Variants in CNGB1 observed in about 807,000 individuals in gnomAD.
CNGB1 encodes the protein cyclic nucleotide gated channel subunit beta 1, also known as cyclic nucleotide-gated channel beta-1.
In CNGB1, 126 loss-of-function variants were observed where a neutral mutation model predicts 151.7. The observed-to-expected ratio is 0.83, with a 90% CI of 0.72 to 0.96. CNGB1 has a LOEUF of 0.96. Among genes scored for constraint, CNGB1 ranks in the 40% least tolerant of loss-of-function variants. The pLI, the probability that CNGB1 is intolerant of heterozygous loss-of-function variation, is 0.00. For synonymous variants in CNGB1, 623 were observed against 635.1 expected, an observed-to-expected ratio of 0.98 and a Z score of 0.29; for missense variants, 1,698 against 1,627.0, an observed-to-expected ratio of 1.04 and a Z score of -0.75.
rs760678711 is a variant in CNGB1, at chr16:57,923,298, C to T, written c.1618G>A (p.Asp540Asn). The T allele has an allele frequency of 4.4e-6, 7 of 1,602,392 alleles. No homozygotes were observed. Among genetic ancestry groups the T allele is most frequent in the Non-Finnish European group, 6.0e-6 (7 of 1,175,446 alleles). ...PAESPVVAWS[D>N]PTTPKDTDGQ... ...TCAGTGTCCTTCGGGGTGGTGGGGT[C>T]AGACCAGGCAACCACTGGGGACTCT... is the stretch of plus-strand genomic sequence containing the variant. The change falls in exon 18 of 33, where the codon GAC becomes AAC. Residue 540 changes from aspartate to asparagine, a missense_variant. By Grantham distance (23) the Asp-to-Asn change is conservative. Coordinates refer to ENST00000251102, the MANE Select transcript of CNGB1 (RefSeq NM_001297.5).
chr16:57,917,662 A>C (rs1262780981), intron 20 of CNGB1, among the ~76,000 whole-genome samples, 186 bp from the exon 21 acceptor site: 3 of 151,550 alleles, frequency 2.0e-5, no homozygotes, highest in African/African-American at 7.3e-5. Flanking sequence ...ACACACACAC[A>C]CAACTCTCTG....
intron 14 of CNGB1, 21 bp from the exon 15 acceptor site, chr16:57,940,342 G>A (rs772401658): frequency 6.4e-7 from 1 of 1,560,926 alleles, no homozygotes; most frequent in East Asian, 2.4e-5. Context: ...GGGCGGGGTG[G>A]GGAGGATAAA....
In CNGB1 at chr16:57,883,902, G is replaced by T. The variant is rs1567358502; in HGVS notation, c.*262C>A. 1 of 587,650 alleles carries T rather than the reference G, an allele frequency of 1.7e-6. No individual in the cohort carries two copies. 36.4% of individuals were successfully genotyped at this position (587,650 alleles called of 1,614,324 possible). On this transcript the variant is annotated 3_prime_UTR_variant, in exon 33 of 33. Coordinates refer to ENST00000251102, the MANE Select transcript of CNGB1 (RefSeq NM_001297.5). ...TTAAAAAGAGGAACAGTCAGGAAAA[G>T]GTAGGGCTCTCAAATGATAGTGAGA...
At chr16:57,906,164 G>C (rs1206290087) in intron 25 of CNGB1, among the ~76,000 whole-genome samples, 1 of 152,154 alleles carries the variant, frequency 6.6e-6, no homozygotes, top group African/African-American at 2.4e-5. Flanking sequence ...TCAGCCATTC[G>C]GCTCAGCCAC....
intron 18 of CNGB1, among the ~76,000 whole-genome samples, chr16:57,922,427 C>CTT (rs202188548): frequency 1.9e-4 from 27 of 142,090 alleles, no homozygotes; most frequent in African/African-American, 7.3e-4. Context: ...TTCTTTCTTT[C>CTT]TTTCTTTTTT....
At chr16:57,950,155 G>GA (rs1961912113) in intron 13 of CNGB1, among the ~76,000 whole-genome samples, 1 of 152,102 alleles carries the variant, frequency 6.6e-6, no homozygotes, top group Non-Finnish European at 1.5e-5. Flanking sequence ...TGTACAAAAA[G>GA]AAAAAAGGAG....
chr16:57,900,004 G>A (rs977743405), intron 29 of CNGB1, among the ~76,000 whole-genome samples: 6 of 152,316 alleles, frequency 3.9e-5, no homozygotes, highest in South Asian at 4.1e-4. Context: ...CATCACCCAC[G>A]AAGACAACAG....
rs1469065061 is a variant in CNGB1, at chr16:57,958,473, C to T, written c.774G>A (p.Trp258Ter). The T allele has an allele frequency of 6.2e-7, 1 of 1,614,092 alleles. No homozygotes were observed. Among genetic ancestry groups the T allele is most frequent in the Non-Finnish European group, 8.5e-7 (1 of 1,179,966 alleles). ...AGGCCATCTCCAGCCTGTGCAGGAC[C>T]CATGCCACCAGCCTGCAGGTGGGAG... ...PTRDPARLVA[W>*]VLHRLEMALP... The change falls in exon 11 of 33, where the codon TGG (tryptophan) becomes TGA (stop). Residue 258 changes from tryptophan to a stop codon, truncating the protein, a stop_gained. Transcript: ENST00000251102. LOFTEE classifies it high-confidence loss of function.
In CNGB1 at chr16:57,883,857, AG is replaced by A. The variant is rs1377313165; in HGVS notation, c.*306del. ...TTATCCCTCACCCATGAACTTTAAA[AG>A]TGGAAAATCATTTTGTTCTTAAAAA... On this transcript the variant is annotated 3_prime_UTR_variant, in exon 33 of 33. Transcript: ENST00000251102. 2.0e-6 allele frequency: 1 copy of A among 508,566 alleles called. No homozygotes were observed. The highest frequency in any genetic ancestry group is 3.6e-5 in the East Asian group (1 of 27,776). 31.5% of individuals were successfully genotyped at this position (508,566 alleles called of 1,614,324 possible).
At position 57,888,130 on chromosome 16, in the gene CNGB1, ACTCGCTTCTGCAGC is replaced by A. The variant is rs1959986212; in HGVS notation, c.3243-70_3243-57del. ...AGACGCACTCTGGGGGAAAAGAAAG[ACTCGCTTCTGCAGC>A]CTCCTTTAAGCTGGAGCTGTGTAGT... On this transcript the variant is annotated intron_variant, in intron 31 of 32. Coordinates refer to ENST00000251102, the MANE Select transcript of CNGB1 (RefSeq NM_001297.5). 3.2e-6 allele frequency: 5 copies of A among 1,555,426 alleles called. No individual in the cohort carries two copies. In the African/African-American group the frequency reaches 6.8e-5, roughly 21 times the overall value.
chr16:57,936,198 C>T (rs1961503449), intron 16 of CNGB1, among the ~76,000 whole-genome samples: 1 of 152,218 alleles, frequency 6.6e-6, no homozygotes. Flanking sequence ...TGGATCCAGA[C>T]AGCCCTCCCT....
At chr16:57,894,870 G>T (rs1960181308) in intron 31 of CNGB1, among the ~76,000 whole-genome samples, 1 of 152,036 alleles carries the variant, frequency 6.6e-6, no homozygotes, top group South Asian at 2.1e-4. Context: ...AATGTAAACT[G>T]AAACAAGTGA....
chr16:57,885,557 C>CCTCTCTCTCTCTCTCTCTCTCTCTCTCT (rs1220420237), intron 32 of CNGB1, among the ~76,000 whole-genome samples: 3 of 97,622 alleles, frequency 3.1e-5, no homozygotes, highest in Non-Finnish European at 6.2e-5. Context: ...TTCCTTCCTT[C>CCTCTCTCTCTCTCTCTCTCTCTCTCTCT]CTCTCTCTCT....
At chr16:57,894,526 G>C (rs908064109) in intron 31 of CNGB1, among the ~76,000 whole-genome samples, 1 of 152,076 alleles carries the variant, frequency 6.6e-6, no homozygotes, top group African/African-American at 2.4e-5. Context: ...ACCTGAACCC[G>C]GGAGGTGGAG....
intron 17 of CNGB1, among the ~76,000 whole-genome samples, chr16:57,927,576 C>A (rs1439153034): frequency 1.3e-5 from 2 of 152,212 alleles, no homozygotes; most frequent in Non-Finnish European, 2.9e-5. Context: ...CTCATGTATC[C>A]CCAGCACCCA....
In CNGB1 at chr16:57,912,236, G is replaced by T. The variant is rs1178956219; in HGVS notation, c.2370-361C>A. 3.9e-5 allele frequency among the ~76,000 whole-genome samples: 6 copies of T among 152,308 alleles called. No individual in the cohort carries two copies. In the South Asian group the frequency reaches 1.0e-3, roughly 26 times the overall value. The stretch of plus-strand genomic sequence containing the variant: ...CTTGCTCCCTAGCACGGCCTGGCTG[G>T]TCTTGCACCTCATGCTCAGACATCT... On this transcript the variant is annotated intron_variant, in intron 24 of 32. Coordinates refer to ENST00000251102, the MANE Select transcript of CNGB1 (RefSeq NM_001297.5).
Position 57,955,340 on chromosome 16 carries a change from A to G in CNGB1, c.874+2001T>C, listed in dbSNP as rs1490355365. ...GCTCTCCCAGATTCCCTTCTCCCTT[A>G]TTTCAGAGACCTCCAGCTCCCATCA... On this transcript the variant is annotated intron_variant, in intron 12 of 32. Transcript: ENST00000251102. 11 of 1,551,494 alleles carry G rather than the reference A, an allele frequency of 7.1e-6. No individual in the cohort carries two copies. The African/African-American group carries it at 1.5e-4, about 21-fold the overall frequency.
At chr16:57,931,315 G>A (rs1253317282) in intron 17 of CNGB1, among the ~76,000 whole-genome samples, 1 of 151,978 alleles carries the variant, frequency 6.6e-6, no homozygotes, top group African/African-American at 2.4e-5. Flanking sequence ...ACTATGCCTA[G>A]CTAATTTTTT....
At chr16:57,914,154 C>T (rs138889144) in intron 23 of CNGB1, among the ~76,000 whole-genome samples, 564 of 152,294 alleles carry the variant, frequency 3.7e-3, no homozygotes, top group Non-Finnish European at 4.6e-3. Flanking sequence ...GAATGGTGTT[C>T]AATGTTAGGC....
Sources: gnomAD v4.1 joint callset for allele counts (sites outside exome capture counted in the v4.1 genomes callset) on GRCh38, gnomAD v4.1.1 for gene constraint, MANE v1.5 for transcripts, NCBI Gene and HGNC (gene_info 2026-07-23, HGNC 2026-07-21) for gene names.